The following KIF2A variants were observed in gnomAD, a reference collection of about 807,000 sequenced individuals.
KIF2A encodes the protein kinesin-like protein KIF2A.
Under a neutral mutation model 100.2 loss-of-function variants are expected in KIF2A, and 22 were observed. The observed-to-expected ratio is 0.22, with a 90% CI of 0.16 to 0.31. The LOEUF is 0.31. KIF2A is among the 10% of genes least tolerant of loss of function. The pLI is 1.00. For synonymous variants in KIF2A, 268 were observed against 285.9 expected (o/e 0.94, Z 0.63); for missense variants, 495 against 898.7 (o/e 0.55, Z 5.74).
intron 20 of KIF2A, among the ~76,000 whole-genome samples, chr5:62,382,448 TAA>T (rs1336363638): frequency 6.6e-6 from 1 of 152,012 alleles, no homozygotes; most frequent in Non-Finnish European, 1.5e-5. Context: ...CTCAAAAAAT[TAA>T]AGAGTTGACA....
At chr5:62,313,737 T>C (rs2111778545) in intron 1 of KIF2A, among the ~76,000 whole-genome samples, 1 of 152,318 alleles carries the variant, frequency 6.6e-6, no homozygotes, top group East Asian at 1.9e-4. Flanking sequence ...ATTAGCCTAT[T>C]TCCTATACTC....
chr5:62,308,233 C>A, intron 1 of KIF2A: 1 of 693,424 alleles, frequency 1.4e-6, no homozygotes, highest in Non-Finnish European at 2.1e-6. Flanking sequence ...ACCTTCTTTA[C>A]TTGGGTTGAG....
At chr5:62,364,101 A>G (rs1191955487) in intron 14 of KIF2A, among the ~76,000 whole-genome samples, 2 of 151,284 alleles carry the variant, frequency 1.3e-5, no homozygotes, top group Non-Finnish European at 2.9e-5. Flanking sequence ...GGGATAAAGG[A>G]TATGTGAGTT....
Position 62,322,934 on chromosome 5 carries a change from T to TAAAAA in KIF2A, c.64+16409_64+16413dup, listed in dbSNP as rs200112197. Reference sequence around the variant, plus strand: ...ATTAGTGGAATGTGATTCAATTTAGTAAAAAAAAAAAAAAATCAGCTTTAT... The same window carrying TAAAAA: ...ATTAGTGGAATGTGATTCAATTTAGTAAAAAAAAAAAAAAAAAAAATCAGCTTTAT... On this transcript the variant is annotated intron_variant, in intron 1 of 20. Transcript: ENST00000407818. Among the ~76,000 whole-genome samples the TAAAAA allele has an allele frequency of 3.7e-4, 36 of 98,004 alleles. 1 individual carries two copies. Among genetic ancestry groups the TAAAAA allele is most frequent in the African/African-American group, 1.0e-3 (27 of 25,736 alleles). 64.3% of individuals were successfully genotyped at this position (98,004 alleles called of 152,430 possible). A position where few individuals can be genotyped will look rare whatever the true frequency, so the allele number is the denominator to read the frequency against.
At chr5:62,358,446 C>A in intron 9 of KIF2A, 147 bp downstream of exon 9, 1 of 566,356 alleles carries the variant, frequency 1.8e-6, no homozygotes, top group Non-Finnish European at 3.1e-6. Flanking sequence ...GTAATAAATG[C>A]TGTAATGAAT....
chr5:62,347,368 T>C (rs937462103), intron 2 of KIF2A, 144 bp downstream of exon 2: 12 of 576,104 alleles, frequency 2.1e-5, no homozygotes, highest in African/African-American at 2.1e-4. Context: ...TTAAAAATTT[T>C]CACTTAAAGG....
intron 1 of KIF2A, among the ~76,000 whole-genome samples, chr5:62,313,992 A>C (rs1365208467): frequency 6.6e-6 from 1 of 151,958 alleles, no homozygotes; most frequent in Non-Finnish European, 1.5e-5. Context: ...GGGTCTTGCT[A>C]TGTTGACTAG....
In KIF2A at chr5:62,371,828, T is replaced by C. The variant is rs140646625; in HGVS notation, c.1647-610T>C. Among the ~76,000 whole-genome samples the C allele has an allele frequency of 4.8e-3, 735 of 152,336 alleles. 3 individuals carry two copies. The highest frequency in any genetic ancestry group is 0.017 in the African/African-American group (695 of 41,570). On this transcript the variant is annotated intron_variant, in intron 16 of 20. Coordinates refer to ENST00000407818, the MANE Select transcript of KIF2A (RefSeq NM_001098511.3). ...GGTTAAATATAACTATTGAAGATGT[T>C]AGCAAAAGCAATTTAAATTTCATTG...
In KIF2A at chr5:62,389,062, GA is replaced by G. The variant is rs371744632; in HGVS notation, c.*3496del. 115 of 1,582,812 alleles carry G rather than the reference GA, an allele frequency of 7.3e-5. No homozygotes were observed. In the African/African-American group the frequency reaches 1.3e-3, roughly 18 times the overall value. On this transcript the variant is annotated 3_prime_UTR_variant, in exon 21 of 21. Transcript: ENST00000407818. ...GAATCCATGTAGCAATCTGAAAAAA[GA>G]AATCAAAATGGAATGGTACTGAAAA...
chr5:62,376,952 T>C (rs1741577958), intron 18 of KIF2A, among the ~76,000 whole-genome samples: 1 of 152,224 alleles, frequency 6.6e-6, no homozygotes, highest in South Asian at 2.1e-4. Flanking sequence ...ATATGAAAAG[T>C]TGGGCCTCTG....
intron 12 of KIF2A, among the ~76,000 whole-genome samples, chr5:62,362,808 C>T (rs1487305878): frequency 6.6e-6 from 1 of 152,078 alleles, no homozygotes; most frequent in Non-Finnish European, 1.5e-5. Context: ...TTCTTAAACT[C>T]TGGGTGACTC....
intron 1 of KIF2A, among the ~76,000 whole-genome samples, chr5:62,309,966 C>CT (rs992352299): frequency 1.2e-4 from 18 of 149,366 alleles, no homozygotes; most frequent in South Asian, 4.3e-4. Flanking sequence ...GGGTCTGTAA[C>CT]TTTTTTTTTT....
At chr5:62,358,065 TTAAAA>T in intron 8 of KIF2A, 67 bp from the exon 9 acceptor site, 1 of 1,174,146 alleles carries the variant, frequency 8.5e-7, no homozygotes, top group South Asian at 1.7e-5. Context: ...TTCTTACTAC[TTAAAA>T]TAATTTTGTA....
intron 1 of KIF2A, among the ~76,000 whole-genome samples, chr5:62,316,366 T>G (rs1210574053): frequency 6.6e-6 from 1 of 152,244 alleles, no homozygotes; most frequent in Non-Finnish European, 1.5e-5. Flanking sequence ...ATGCAGCTGC[T>G]CTTTTTTACT....
intron 1 of KIF2A, among the ~76,000 whole-genome samples, chr5:62,323,013 T>C (rs534909992): frequency 6.7e-6 from 1 of 150,212 alleles, no homozygotes; most frequent in South Asian, 2.1e-4. Flanking sequence ...TCCCAGCACT[T>C]TGGGAGGCCG....
chr5:62,340,271 C>CA (rs1747229047), intron 1 of KIF2A, among the ~76,000 whole-genome samples: 1 of 152,082 alleles, frequency 6.6e-6, no homozygotes, highest in Non-Finnish European at 1.5e-5. Context: ...TATGGGGTTT[C>CA]AAAAGTGTTT....
intron 1 of KIF2A, among the ~76,000 whole-genome samples, chr5:62,345,018 G>A (rs1271775382): frequency 6.6e-6 from 1 of 152,178 alleles, no homozygotes; most frequent in Non-Finnish European, 1.5e-5. Flanking sequence ...GGCCAAGGTG[G>A]GCAGATCGCC....
intron 1 of KIF2A, among the ~76,000 whole-genome samples, chr5:62,320,360 G>GA (rs1415026716): frequency 7.9e-5 from 12 of 152,278 alleles, no homozygotes; most frequent in East Asian, 1.9e-4. Flanking sequence ...ATCTGTAGGG[G>GA]AAAAAATCCT....
At position 62,377,985 on chromosome 5, in the gene KIF2A, C is replaced by T. The variant is rs554760846; in HGVS notation, c.2013+223C>T. On this transcript the variant is annotated intron_variant, in intron 19 of 20. Coordinates refer to ENST00000407818, the MANE Select transcript of KIF2A (RefSeq NM_001098511.3). The stretch of plus-strand genomic sequence containing the variant: ...GAAACGTTCTACTTTATTTACCTCC[C>T]GTCCCCCTTATTGGTTTTTGTCATT... 2.5e-4 allele frequency among the ~76,000 whole-genome samples: 38 copies of T among 152,298 alleles called. 1 individual carries two copies. Among genetic ancestry groups the T allele is most frequent in the African/African-American group, 7.2e-4 (30 of 41,572 alleles).
Sources: gnomAD v4.1 joint callset for allele counts (sites outside exome capture counted in the v4.1 genomes callset) on GRCh38, gnomAD v4.1.1 for gene constraint, MANE v1.5 for transcripts, NCBI Gene and HGNC (gene_info 2026-07-23, HGNC 2026-07-21) for gene names.